The following TNFSF4 variants were observed in gnomAD, a reference collection of about 807,000 sequenced individuals.
TNFSF4 encodes the protein TNF superfamily member 4.
In TNFSF4, 4 loss-of-function variants were observed where a neutral mutation model predicts 7.3. That is an observed-to-expected ratio of 0.55 (90% confidence interval 0.27 to 1.25). TNFSF4 has a LOEUF of 1.25. TNFSF4 is among the 50% of genes most tolerant of loss of function. The pLI, the probability that TNFSF4 is intolerant of heterozygous loss-of-function variation, is 0.12. For missense variants in TNFSF4, 181 were observed against 208.8 expected, an observed-to-expected ratio of 0.87 and a Z score of 0.82; for synonymous variants, 76 against 83.7, an observed-to-expected ratio of 0.91 and a Z score of 0.50.
chr1:173,410,884 C>A, the TNFSF4 span, among the ~76,000 whole-genome samples: 1 of 152,198 alleles, frequency 6.6e-6, no homozygotes. Flanking sequence ...CATGACAGGA[C>A]GGAACCCAGT....
At chr1:173,403,373 T>G in the TNFSF4 span, among the ~76,000 whole-genome samples, 1 of 152,180 alleles carries the variant, frequency 6.6e-6, no homozygotes. Flanking sequence ...AGATGCATTT[T>G]TATGCTCCAG....
At chr1:173,365,575 A>G in the TNFSF4 span, among the ~76,000 whole-genome samples, 1 of 152,252 alleles carries the variant, frequency 6.6e-6, no homozygotes, top group Non-Finnish European at 1.5e-5. Context: ...TCATTAACTG[A>G]TTTGTCATCA....
the TNFSF4 span, among the ~76,000 whole-genome samples, chr1:173,303,659 TA>T: frequency 2.0e-5 from 3 of 151,984 alleles, no homozygotes; most frequent in African/African-American, 7.2e-5. Flanking sequence ...GTGAATAACG[TA>T]AAAAACATCC....
the TNFSF4 span, among the ~76,000 whole-genome samples, chr1:173,335,812 T>C: frequency 4.1e-4 from 62 of 152,320 alleles, no homozygotes; most frequent in African/African-American, 1.3e-3. Context: ...ACTGTTACTA[T>C]TTCTACCAGC....
chr1:173,284,641 A>C, the TNFSF4 span, among the ~76,000 whole-genome samples: 1 of 152,150 alleles, frequency 6.6e-6, no homozygotes, highest in African/African-American at 2.4e-5. Flanking sequence ...TTTAAGTTGA[A>C]GCCAATGCTC....
chr1:173,176,800 A>G, the TNFSF4 span, among the ~76,000 whole-genome samples: 4 of 152,214 alleles, frequency 2.6e-5, no homozygotes, highest in Admixed American at 6.5e-5. Context: ...CCATAAAAAG[A>G]ACTAGATAAT....
chr1:173,348,428 T>C, the TNFSF4 span, among the ~76,000 whole-genome samples: 3 of 152,226 alleles, frequency 2.0e-5, no homozygotes, highest in African/African-American at 4.8e-5. Context: ...CTTCTTTCTT[T>C]TGTAAATTGC....
the TNFSF4 span, among the ~76,000 whole-genome samples, chr1:173,307,548 GAAATATTAAC>G: frequency 1.8e-4 from 28 of 151,988 alleles, no homozygotes; most frequent in Non-Finnish European, 3.4e-4. Flanking sequence ...TTGGAAAATT[GAAATATTAAC>G]TCTATATCAG....
chr1:173,308,281 C>CTG, the TNFSF4 span, among the ~76,000 whole-genome samples: 6 of 138,672 alleles, frequency 4.3e-5, no homozygotes, highest in Admixed American at 2.1e-4. Flanking sequence ...CTCTCTCTCT[C>CTG]TCTCTGTGTG....
chr1:173,428,982 G>C, the TNFSF4 span, among the ~76,000 whole-genome samples: 1 of 151,904 alleles, frequency 6.6e-6, no homozygotes, highest in East Asian at 1.9e-4. Context: ...ACTCCAGCCT[G>C]GGTGACAGAG....
chr1:173,339,290 G>C, the TNFSF4 span, among the ~76,000 whole-genome samples: 6 of 152,136 alleles, frequency 3.9e-5, no homozygotes, highest in Admixed American at 3.3e-4. Flanking sequence ...GCTAAGTTGG[G>C]AGGTTCACTT....
chr1:173,304,511 C>T, the TNFSF4 span, among the ~76,000 whole-genome samples: 1 of 152,050 alleles, frequency 6.6e-6, no homozygotes, highest in South Asian at 2.1e-4. Context: ...TAGGTGTTCA[C>T]CATTGTTAAG....
the TNFSF4 span, among the ~76,000 whole-genome samples, chr1:173,385,280 G>C: frequency 2.0e-5 from 3 of 152,136 alleles, no homozygotes; most frequent in Non-Finnish European, 2.9e-5. Context: ...AAACACCGGT[G>C]AATTGTTTTC....
intron 2 of TNFSF4, 146 bp from the exon 3 acceptor site, chr1:173,187,011 A>C (rs976791625): frequency 3.3e-6 from 2 of 597,590 alleles, no homozygotes; most frequent in African/African-American, 3.7e-5. Context: ...AGATCCCGCC[A>C]CTGCACTCCA....
the TNFSF4 span, among the ~76,000 whole-genome samples, chr1:173,413,637 C>T: frequency 9.8e-5 from 15 of 152,306 alleles, no homozygotes; most frequent in African/African-American, 3.1e-4. Flanking sequence ...CGAGCAGCAG[C>T]AGCCGGCGCC....
At chr1:173,363,278 C>A in the TNFSF4 span, 1 of 314,940 alleles carries the variant, frequency 3.2e-6, no homozygotes, top group South Asian at 3.1e-5. Flanking sequence ...CTCTCCCTTT[C>A]TGCATGCTTT....
At chr1:173,407,804 G>T in the TNFSF4 span, among the ~76,000 whole-genome samples, 2 of 151,708 alleles carry the variant, frequency 1.3e-5, no homozygotes, top group African/African-American at 4.8e-5. Context: ...TCCATATTTT[G>T]ATTTCTGCTA....
the TNFSF4 span, among the ~76,000 whole-genome samples, chr1:173,302,519 A>C: frequency 1.3e-5 from 2 of 151,958 alleles, no homozygotes; most frequent in East Asian, 1.9e-4. Context: ...TAGATGAGAA[A>C]ACCAAAGTTC....
chr1:173,278,885 G>A, the TNFSF4 span, among the ~76,000 whole-genome samples: 5 of 152,072 alleles, frequency 3.3e-5, no homozygotes, highest in African/African-American at 1.2e-4. Context: ...CAGCCACAGT[G>A]GCTGCACACA....
Sources: allele counts gnomAD v4.1 joint callset (sites outside exome capture counted in the v4.1 genomes callset), GRCh38; gene constraint gnomAD v4.1.1; transcripts MANE v1.5; gene names NCBI Gene and HGNC (gene_info 2026-07-23, HGNC 2026-07-21).